NRXN1: variants seen among roughly 807,000 people sequenced by gnomAD.
The protein encoded by NRXN1 is neurexin 1.
A neutral mutation model predicts 150.9 loss-of-function variants in NRXN1; 39 were observed. The ratio of observed to expected loss-of-function variants is 0.26; its 90% CI spans 0.20 to 0.34. The LOEUF (loss-of-function observed/expected upper bound fraction) is 0.34, where lower values mean the gene tolerates loss of function less well. Among genes scored for constraint, NRXN1 ranks in the 10% least tolerant of loss-of-function variants. The probability of loss-of-function intolerance (pLI) is 1.00; values close to 1 mark genes in which losing one functional copy is unlikely to be tolerated. For synonymous variants in NRXN1, 924 were observed against 757.0 expected (o/e 1.22, Z -3.62); for missense variants, 1,815 against 1,949.9 (o/e 0.93, Z 1.30).
At chr2:50,791,243 T>C (rs139059190) in intron 5 of NRXN1, among the ~76,000 whole-genome samples, 101 of 147,322 alleles carry the variant, frequency 6.9e-4, no homozygotes, top group East Asian at 4.3e-3. Flanking sequence ...AACAGTGGAA[T>C]TGGAAATTGG....
At chr2:50,233,681 T>C (rs1412191615) in intron 18 of NRXN1, among the ~76,000 whole-genome samples, 5 of 152,116 alleles carry the variant, frequency 3.3e-5, no homozygotes, top group Non-Finnish European at 1.5e-5. Flanking sequence ...TAATGGATAA[T>C]GAATAAGTCT....
intron 5 of NRXN1, among the ~76,000 whole-genome samples, chr2:50,761,352 A>T (rs933038126): frequency 2.0e-5 from 3 of 151,572 alleles, no homozygotes; most frequent in Admixed American, 2.0e-4. Context: ...CATGGGGGCG[A>T]GTTTTTCCTG....
chr2:50,849,321 CCCTTAACA>C (rs1345218175), intron 5 of NRXN1, among the ~76,000 whole-genome samples: 2 of 152,130 alleles, frequency 1.3e-5, no homozygotes, highest in African/African-American at 4.8e-5. Flanking sequence ...TTTCTGTGTT[CCCTTAACA>C]CGTAAATCTT....
chr2:50,589,414 C>G (rs1411187866), intron 8 of NRXN1: 1 of 152,242 alleles, frequency 6.6e-6, no homozygotes. Flanking sequence ...CCAGCCCGTT[C>G]CAGGTGGACA....
chr2:50,417,022 T>C (rs1277854174), intron 17 of NRXN1: 1 of 152,120 alleles, frequency 6.6e-6, no homozygotes, highest in African/African-American at 2.4e-5. Flanking sequence ...CAAAAAACAG[T>C]AACGGTTTCC....
chr2:49,931,234 C>T (rs1670073076), intron 22 of NRXN1, among the ~76,000 whole-genome samples: 1 of 152,150 alleles, frequency 6.6e-6, no homozygotes, highest in Admixed American at 6.5e-5. Flanking sequence ...TAACCCTCAA[C>T]CTTTGTAATA....
chr2:50,757,019 A>G (rs1701224517), intron 5 of NRXN1, among the ~76,000 whole-genome samples: 1 of 151,884 alleles, frequency 6.6e-6, no homozygotes, highest in Admixed American at 6.6e-5. Context: ...TAATGTGAGA[A>G]AACGTGCTTT....
intron 17 of NRXN1, among the ~76,000 whole-genome samples, chr2:50,385,950 A>C (rs2081300137): frequency 1.3e-5 from 2 of 152,076 alleles, no homozygotes; most frequent in Non-Finnish European, 2.9e-5. Context: ...AGGTGGAATA[A>C]AATATATCAA....
chr2:50,875,146 C>T (rs747190273), intron 5 of NRXN1, among the ~76,000 whole-genome samples: 60 of 151,756 alleles, frequency 4.0e-4, no homozygotes, highest in Non-Finnish European at 8.1e-4. Context: ...CAGTTTGTTT[C>T]TTTTGTTGTT....
chr2:50,280,976 C>G (rs2071356236), intron 17 of NRXN1, among the ~76,000 whole-genome samples: 1 of 151,692 alleles, frequency 6.6e-6, no homozygotes, highest in Admixed American at 6.6e-5. Context: ...AAATGGAGGC[C>G]AAGGAAAACT....
At chr2:50,469,585 T>G (rs2104682862) in intron 16 of NRXN1, among the ~76,000 whole-genome samples, 1 of 151,508 alleles carries the variant, frequency 6.6e-6, no homozygotes, top group East Asian at 2.0e-4. Context: ...TATCTACAGT[T>G]AAAACACTAA....
rs1161474729 is a variant in NRXN1, at chr2:49,995,698, G to A, written c.4129-51907C>T. On this transcript the variant is annotated intron_variant, in intron 21 of 22. Transcript: ENST00000401669. ...CGGGAGGCTGAGGCAGGAGAATGGC[G>A]TAAACCTGGGAGGCGGAGCTTGCAG... Among the ~76,000 whole-genome samples the A allele has an allele frequency of 3.6e-5, 5 of 140,080 alleles. No homozygotes were observed. In the East Asian group the frequency reaches 1.1e-3, roughly 30 times the overall value. The allele number at this position is 140,080 out of a possible 152,430, so 91.9% of individuals were successfully genotyped here. A position where few individuals can be genotyped will look rare whatever the true frequency, so the allele number is the denominator to read the frequency against.
chr2:50,603,614 T>C (rs542107059), intron 8 of NRXN1, among the ~76,000 whole-genome samples: 10 of 152,246 alleles, frequency 6.6e-5, no homozygotes, highest in Non-Finnish European at 1.3e-4. Context: ...TAAGGTCACT[T>C]AGTGTGATAT....
intron 11 of NRXN1, 21 bp from the exon 12 acceptor site, chr2:50,528,672 G>A: frequency 1.3e-6 from 2 of 1,508,466 alleles, no homozygotes; most frequent in Non-Finnish European, 1.8e-6. Context: ...AAGAATAGAT[G>A]AAAAATGAAA....
intron 12 of NRXN1, among the ~76,000 whole-genome samples, chr2:50,513,053 A>G (rs759355360): frequency 5.5e-4 from 84 of 152,300 alleles, no homozygotes; most frequent in Non-Finnish European, 5.0e-4. Flanking sequence ...AGGCTTGGGT[A>G]TGTTAGCTTC....
rs1472002816 is a variant in NRXN1 at position 50,922,647 on chromosome 2, A to G, written c.820+11T>C. On this transcript the variant is annotated intron_variant, in intron 4 of 22. Coordinates refer to ENST00000401669, the MANE Select transcript of NRXN1 (RefSeq NM_001330078.2). ...ACTGAAAGCAGAGTGGAAAAGGAAC[A>G]GAGCCCATACCTTGGTCGCCCATCA... The G allele has an allele frequency of 5.0e-6, 8 of 1,609,568 alleles. No homozygotes were observed. The highest frequency in any genetic ancestry group is 1.3e-5 in the African/African-American group (1 of 74,738).
intron 21 of NRXN1, among the ~76,000 whole-genome samples, chr2:49,974,469 G>A (rs1246479282): frequency 6.6e-6 from 1 of 152,164 alleles, no homozygotes; most frequent in Non-Finnish European, 1.5e-5. Context: ...AATCCAGTGT[G>A]ATTGCTAAAC....
chr2:50,131,637 T>C (rs1417991308), intron 18 of NRXN1, among the ~76,000 whole-genome samples: 1 of 152,220 alleles, frequency 6.6e-6, no homozygotes, highest in Non-Finnish European at 1.5e-5. Flanking sequence ...GCAGTTTTCA[T>C]CTTCAAAGCA....
intron 21 of NRXN1, among the ~76,000 whole-genome samples, chr2:49,995,860 G>A (rs1247232166): frequency 6.1e-5 from 3 of 49,424 alleles, no homozygotes; most frequent in African/African-American, 2.5e-4. Flanking sequence ...ATGCTGGATA[G>A]TAAAAAAAAA....
Sources: allele counts gnomAD v4.1 joint callset (sites outside exome capture counted in the v4.1 genomes callset), GRCh38; gene constraint gnomAD v4.1.1; transcripts MANE v1.5; gene names NCBI Gene and HGNC (gene_info 2026-07-23, HGNC 2026-07-21).